The following PAWR variants were observed in gnomAD, a reference collection of about 807,000 sequenced individuals.
PAWR encodes the protein pro-apoptotic WT1 regulator, also known as PRKC apoptosis WT1 regulator protein.
Under a neutral mutation model 32.0 loss-of-function variants are expected in PAWR, and 23 were observed. The observed-to-expected ratio is 0.72, with a 90% CI of 0.52 to 1.02. The LOEUF (loss-of-function observed/expected upper bound fraction) is 1.02. Ranked by LOEUF, PAWR falls within the 50% of genes least tolerant of loss-of-function variation. PAWR has a pLI of 0.00. For synonymous variants in PAWR, 226 were observed against 187.1 expected (o/e 1.21, Z -1.70); for missense variants, 457 against 437.7 (o/e 1.04, Z -0.39).
chr12:79,615,319 C>T (rs1222240005), intron 3 of PAWR, among the ~76,000 whole-genome samples: 1 of 152,086 alleles, frequency 6.6e-6, no homozygotes, highest in Non-Finnish European at 1.5e-5. Context: ...ACCTAGTATG[C>T]AATAAATATA....
At chr12:79,640,888 T>A (rs1182707460) in intron 2 of PAWR, among the ~76,000 whole-genome samples, 1 of 152,234 alleles carries the variant, frequency 6.6e-6, no homozygotes, top group African/African-American at 2.4e-5. Context: ...CGTAAGGATC[T>A]TGGATGAGAG....
At chr12:79,612,616 A>G (rs1469923571) in intron 4 of PAWR, among the ~76,000 whole-genome samples, 1 of 152,214 alleles carries the variant, frequency 6.6e-6, no homozygotes, top group African/African-American at 2.4e-5. Context: ...TCTCTCATCT[A>G]TAAAAGAGAA....
chr12:79,688,989 GT>G (rs1565709249), intron 2 of PAWR, among the ~76,000 whole-genome samples: 1 of 152,022 alleles, frequency 6.6e-6, no homozygotes, highest in Non-Finnish European at 1.5e-5. Context: ...TACCTGTAAC[GT>G]TTCGAAAATG....
intron 2 of PAWR, among the ~76,000 whole-genome samples, chr12:79,678,661 T>C (rs991742539): frequency 1.3e-5 from 2 of 152,268 alleles, no homozygotes; most frequent in African/African-American, 4.8e-5. Context: ...GTTCTGGACA[T>C]ACAGCAGGCA....
Position 79,689,821 on chromosome 12 carries a change from G to C in PAWR, c.424C>G (p.Pro142Ala). Reference protein sequence around the residue: ...GVPEKGKSSGPSARKGKGQIE... With the variant: ...GVPEKGKSSGASARKGKGQIE... ...TGCCCCTTGCCTTTCCTGGCACTGG[G>C]GCCCGAGCTCTTGCCCTTCTCTGGG... Residue 142 changes from proline to alanine, a missense_variant, in exon 2 of 7, where the codon CCC (proline) becomes GCC (alanine). Physicochemically the swap from Pro to Ala is conservative, Grantham distance 27. Transcript: ENST00000328827. 1 of 1,594,600 alleles carries C rather than the reference G, an allele frequency of 6.3e-7. No homozygotes were observed. Among genetic ancestry groups the C allele is most frequent in the Non-Finnish European group, 8.5e-7 (1 of 1,171,622 alleles).
At chr12:79,681,851 G>A (rs943322659) in intron 2 of PAWR, among the ~76,000 whole-genome samples, 1 of 152,002 alleles carries the variant, frequency 6.6e-6, no homozygotes, top group Non-Finnish European at 1.5e-5. Flanking sequence ...TAATACAATC[G>A]TACTTTTTAT....
chr12:79,678,469 T>C (rs899724739), intron 2 of PAWR, among the ~76,000 whole-genome samples: 14 of 152,266 alleles, frequency 9.2e-5, no homozygotes, highest in African/African-American at 2.9e-4. Flanking sequence ...TGATAACCAA[T>C]GTGTGGGCAC....
intron 2 of PAWR, among the ~76,000 whole-genome samples, chr12:79,629,086 GA>G (rs750492875): frequency 1.3e-5 from 2 of 151,250 alleles, no homozygotes; most frequent in African/African-American, 4.9e-5. Context: ...AATGCAGGCA[GA>G]AAAAAAAGGA....
At chr12:79,596,319 A>G (rs1020771292) in intron 5 of PAWR, among the ~76,000 whole-genome samples, 192 bp downstream of exon 5, 2 of 152,260 alleles carry the variant, frequency 1.3e-5, no homozygotes, top group Admixed American at 6.5e-5. Flanking sequence ...ACAGTAGTAT[A>G]TATTTGCCAG....
At chr12:79,654,828 C>A (rs575365416) in intron 2 of PAWR, among the ~76,000 whole-genome samples, 3 of 152,280 alleles carry the variant, frequency 2.0e-5, no homozygotes, top group South Asian at 2.1e-4. Flanking sequence ...CCCCCATAAT[C>A]CTATCACTTC....
intron 2 of PAWR, among the ~76,000 whole-genome samples, chr12:79,624,627 T>A (rs1875189374): frequency 6.6e-6 from 1 of 152,188 alleles, no homozygotes; most frequent in Non-Finnish European, 1.5e-5. Flanking sequence ...GCAGTTCTTT[T>A]GATAACAAGC....
At chr12:79,667,176 A>G (rs1877650063) in intron 2 of PAWR, among the ~76,000 whole-genome samples, 1 of 152,240 alleles carries the variant, frequency 6.6e-6, no homozygotes, top group Non-Finnish European at 1.5e-5. Context: ...CCTTGGCAAA[A>G]TAAATTTTCT....
At chr12:79,605,686 C>T (rs1300824383) in intron 4 of PAWR, among the ~76,000 whole-genome samples, 3 of 152,118 alleles carry the variant, frequency 2.0e-5, no homozygotes, top group Admixed American at 2.0e-4. Flanking sequence ...CATTATGTTA[C>T]TCCAAATGGT....
intron 2 of PAWR, among the ~76,000 whole-genome samples, chr12:79,676,124 T>C (rs1878153398): frequency 6.6e-6 from 1 of 152,068 alleles, no homozygotes; most frequent in African/African-American, 2.4e-5. Context: ...TTTCCTCACC[T>C]GTAAAATAGA....
chr12:79,595,397 T>C (rs1198317361), intron 5 of PAWR, among the ~76,000 whole-genome samples: 2 of 152,232 alleles, frequency 1.3e-5, no homozygotes, highest in Non-Finnish European at 1.5e-5. Flanking sequence ...TCTTTCTTAC[T>C]AAACCTCCTA....
At chr12:79,687,859 G>A (rs909987544) in intron 2 of PAWR, among the ~76,000 whole-genome samples, 6 of 152,150 alleles carry the variant, frequency 3.9e-5, no homozygotes, top group Admixed American at 3.3e-4. Flanking sequence ...CAAGAAGTAT[G>A]TCTGTTAATT....
chr12:79,621,926 C>T (rs897250802), intron 2 of PAWR, among the ~76,000 whole-genome samples: 4 of 152,000 alleles, frequency 2.6e-5, no homozygotes, highest in Admixed American at 1.3e-4. Flanking sequence ...CTGGGTTATC[C>T]GTTCCTTGCA....
chr12:79,688,293 C>T (rs1878783220), intron 2 of PAWR: 1 of 151,098 alleles, frequency 6.6e-6, no homozygotes, highest in South Asian at 2.1e-4. Flanking sequence ...TGAAGTTTAA[C>T]ATCTGCCAAG....
intron 2 of PAWR, among the ~76,000 whole-genome samples, chr12:79,689,525 T>A (rs1241285324): frequency 6.6e-6 from 1 of 152,192 alleles, no homozygotes; most frequent in Non-Finnish European, 1.5e-5. Context: ...GAAAAGCACG[T>A]GTCCTACTCT....
Sources: allele counts gnomAD v4.1 joint callset (sites outside exome capture counted in the v4.1 genomes callset), GRCh38; gene constraint gnomAD v4.1.1; transcripts MANE v1.5; gene names NCBI Gene and HGNC (gene_info 2026-07-23, HGNC 2026-07-21).